Variants in ZNF449 observed in about 807,000 individuals in gnomAD.
The protein encoded by ZNF449 is zinc finger protein 449, also known as zinc finger and SCAN domain-containing protein 19.
Under a neutral mutation model 32.6 loss-of-function variants are expected in ZNF449, and 4 were observed. The observed-to-expected ratio is 0.12, with a 90% CI of 0.06 to 0.28. The LOEUF (loss-of-function observed/expected upper bound fraction) is 0.28. Among genes scored for constraint, ZNF449 ranks in the 10% least tolerant of loss-of-function variants. ZNF449 has a pLI of 1.00. For missense variants in ZNF449, 275 were observed against 383.2 expected (o/e 0.72, Z 2.36); for synonymous variants, 123 against 132.2 (o/e 0.93, Z 0.48).
rs782690025 is a variant in ZNF449, at chrX:135,360,795, C to T, written c.1276C>T (p.Leu426=). 1 of 1,211,392 alleles carries T rather than the reference C, an allele frequency of 8.3e-7. No homozygotes were observed. The highest frequency in any genetic ancestry group is 1.1e-6 in the Non-Finnish European group (1 of 895,361). The change falls in exon 5 of 5, where the codon CTG becomes TTG. Residue 426 remains leucine (L), a synonymous_variant. Coordinates refer to ENST00000339249, the MANE Select transcript of ZNF449 (RefSeq NM_152695.6). ...TCATGGATCAAGTCTTAAAAGACAT[C>T]TGAAAACTCATACAGGTGAAAAACC... The part of the protein sequence containing the change: ...FCHGSSLKRH[L]KTHTGEKPHR...
In ZNF449 at chrX:135,362,430, C is replaced by G. The variant is rs1046351069; in HGVS notation, c.*1354C>G. 1 of 112,172 alleles carries G rather than the reference C, an allele frequency of 8.9e-6. No homozygotes were observed. The highest frequency in any genetic ancestry group is 2.8e-4 in the East Asian group (1 of 3,608). 9.2% of individuals were successfully genotyped at this position (112,172 alleles called of 1,213,427 possible). On this transcript the variant is annotated 3_prime_UTR_variant, in exon 5 of 5. Transcript: ENST00000339249. ...TGAATTTTACTTATAATTACATACA[C>G]ACACACACTGCTACTTATATAAATG...
intron 3 of ZNF449, among the ~76,000 whole-genome samples, chrX:135,350,443 G>C (rs781790750): frequency 2.3e-4 from 26 of 112,014 alleles, no homozygotes; most frequent in African/African-American, 8.1e-4. Context: ...TGAGACCACA[G>C]AAGACACATA....
chrX:135,347,647 C>G (rs1556448868), intron 2 of ZNF449, 175 bp downstream of exon 2: 2 of 1,126,085 alleles, frequency 1.8e-6, no homozygotes, highest in East Asian at 3.3e-5. Flanking sequence ...TTAACTCTAT[C>G]AGACTCAATT....
In ZNF449 at chrX:135,347,447, G is replaced by A; in HGVS notation, c.329G>A (p.Arg110Lys). 2 of 1,212,006 alleles carry A rather than the reference G, an allele frequency of 1.7e-6. No individual in the cohort carries two copies. Among genetic ancestry groups the A allele is most frequent in the Non-Finnish European group, 2.2e-6 (2 of 895,590 alleles). The part of the protein sequence containing the change: ...RVVSLIEDLQ[R>K]ELEIPEQQVD... ...GTGTCACTGATAGAAGACTTACAGA[G>A]AGAACTTGAGATACCAGAGCAGCAG... Residue 110 changes from arginine to lysine, a missense_variant, in exon 2 of 5, where the codon AGA (arginine) becomes AAA (lysine). Coordinates refer to ENST00000339249, the MANE Select transcript of ZNF449 (RefSeq NM_152695.6).
intron 1 of ZNF449, among the ~76,000 whole-genome samples, chrX:135,345,738 G>A (rs1556447967): frequency 9.0e-6 from 1 of 111,611 alleles, no homozygotes; most frequent in Non-Finnish European, 1.9e-5. Context: ...CAAGGACAGA[G>A]TGCTGATTTA....
At chrX:135,356,008 A>G (rs782245565) in intron 3 of ZNF449, among the ~76,000 whole-genome samples, 5 of 112,274 alleles carry the variant, frequency 4.5e-5, no homozygotes, top group Non-Finnish European at 9.4e-5. Context: ...CTTTATTCCT[A>G]TTTATGGTTG....
rs2084945369 is a variant in ZNF449, at chrX:135,361,177, A to G, written c.*101A>G. ...GTCTTGGAAGCTTTTGTTTGAGCTT[A>G]TAAGAACATAGACAGCTTTTTTTTT... On this transcript the variant is annotated 3_prime_UTR_variant, in exon 5 of 5. Coordinates refer to ENST00000339249, the MANE Select transcript of ZNF449 (RefSeq NM_152695.6). 3.9e-6 allele frequency: 3 copies of G among 771,129 alleles called. No homozygotes were observed. The Admixed American group carries it at 1.1e-4, about 28-fold the overall frequency. The allele number at this position is 771,129 out of a possible 1,213,427, so 63.5% of individuals were successfully genotyped here.
intron 3 of ZNF449, among the ~76,000 whole-genome samples, chrX:135,351,408 G>A (rs782773237): frequency 9.0e-6 from 1 of 111,075 alleles, no homozygotes; most frequent in African/African-American, 3.3e-5. Flanking sequence ...CCATTGAACT[G>A]GGTAGATGGT....
rs1177941800 is a variant in ZNF449 at position 135,361,821 on chromosome X, A to G, written c.*745A>G. 1.8e-5 allele frequency: 2 copies of G among 111,264 alleles called. No homozygotes were observed. The highest frequency in any genetic ancestry group is 6.5e-5 in the African/African-American group (2 of 30,670). 9.2% of individuals were successfully genotyped at this position (111,264 alleles called of 1,213,427 possible). ...TCTTTAATTCAGCATCTCCCTATGT[A>G]TGTGTCATAGAATACTTAGTTCTGC... On this transcript the variant is annotated 3_prime_UTR_variant, in exon 5 of 5. Transcript: ENST00000339249.
rs782026565 is a variant in ZNF449 at position 135,359,985 on chromosome X, A to G, written c.653A>G (p.Gln218Arg). The part of the protein sequence containing the change: ...KELQDSKEMK[Q>R]LLDSKIGFEI... The stretch of plus-strand genomic sequence containing the variant: ...TTACAGGATTCTAAAGAAATGAAAC[A>G]ATTACTTGATTCCAAGATAGGTAAG... The change falls in exon 4 of 5, where the codon CAA becomes CGA. Residue 218 changes from glutamine to arginine, a missense_variant. This residue lies in a region of ZNF449 where 165 missense variants were observed against 175.0 expected (regional missense o/e 0.94). Transcript: ENST00000339249. The G allele has an allele frequency of 3.4e-6, 4 of 1,188,232 alleles. No individual in the cohort carries two copies. In the South Asian group the frequency reaches 7.3e-5, roughly 22 times the overall value.
intron 3 of ZNF449, 71 bp downstream of exon 3, chrX:135,349,385 T>G (rs2084871093): frequency 1.1e-5 from 12 of 1,043,741 alleles, no homozygotes; most frequent in Middle Eastern, 3.1e-4. Context: ...GGGTTGGGGT[T>G]GGGTTAGAAA....
chrX:135,348,724 T>C, intron 2 of ZNF449: 39 of 981,634 alleles, frequency 4.0e-5, no homozygotes, highest in Non-Finnish European at 5.2e-5. Context: ...TTTTGTTTAC[T>C]ATATAAGATT....
chrX:135,347,687 C>G (rs1281900442), intron 2 of ZNF449: 5 of 1,063,995 alleles, frequency 4.7e-6, no homozygotes, highest in Non-Finnish European at 6.2e-6. Flanking sequence ...TTTATAATGT[C>G]CACTTTACTA....
Position 135,357,448 on chromosome X carries a change from A to G in ZNF449, c.560-2444A>G, listed in dbSNP as rs1556452235. On this transcript the variant is annotated intron_variant, in intron 3 of 4. Transcript: ENST00000339249. ...ACCCTTTTCAAAATCAGTTGACCAC[A>G]GGACAGGTATATGGATTTATTGCTA... Among the ~76,000 whole-genome samples, 3 of 111,463 alleles carry G rather than the reference A, an allele frequency of 2.7e-5. No homozygotes were observed. In the Admixed American group the frequency reaches 2.9e-4, roughly 11 times the overall value.
intron 1 of ZNF449, among the ~76,000 whole-genome samples, chrX:135,345,171 C>T (rs2084834023): frequency 8.8e-6 from 1 of 113,074 alleles, no homozygotes; most frequent in Non-Finnish European, 1.9e-5. Flanking sequence ...GGACGTGTCA[C>T]TCTTGCCGTT....
intron 2 of ZNF449, 77 bp downstream of exon 2, chrX:135,347,549 G>T (rs1556448804): frequency 5.1e-6 from 6 of 1,183,023 alleles, no homozygotes; most frequent in Non-Finnish European, 6.8e-6. Flanking sequence ...CCACACATTT[G>T]TCTCTATGTC....
At position 135,348,887 on chromosome X, in the gene ZNF449, A is replaced by G. The variant is rs781792615; in HGVS notation, c.355-223A>G. ...GCAGAAGACTTGGTATGAAAAAAGT[A>G]GGTGAAATATCTCACTAATAATTGT... On this transcript the variant is annotated intron_variant, in intron 2 of 4. Coordinates refer to ENST00000339249, the MANE Select transcript of ZNF449 (RefSeq NM_152695.6). 89 of 971,441 alleles carry G rather than the reference A, an allele frequency of 9.2e-5. No individual in the cohort carries two copies. In the South Asian group the frequency reaches 2.1e-3, roughly 23 times the overall value. 80.1% of individuals were successfully genotyped at this position (971,441 alleles called of 1,213,427 possible).
chrX:135,350,958 A>G (rs2084883131), intron 3 of ZNF449, among the ~76,000 whole-genome samples: 1 of 111,141 alleles, frequency 9.0e-6, no homozygotes, highest in Admixed American at 9.6e-5. Flanking sequence ...GAAGGCAGAG[A>G]GAAGACCTCC....
rs1211882845 is a variant in ZNF449, at chrX:135,362,799, T to C, written c.*1723T>C. The C allele has an allele frequency of 6.3e-5, 7 of 111,990 alleles. No homozygotes were observed. Among genetic ancestry groups the C allele is most frequent in the Admixed American group, 4.8e-4 (5 of 10,525 alleles). The allele number at this position is 111,990 out of a possible 1,213,427, so 9.2% of individuals were successfully genotyped here. ...GATCAGGCTCATAAAGATTTTATAATATTTTTAGTTAAACAAGAGTTGGGA... is the reference window on the plus strand; with the variant it reads ...GATCAGGCTCATAAAGATTTTATAACATTTTTAGTTAAACAAGAGTTGGGA... On this transcript the variant is annotated 3_prime_UTR_variant, in exon 5 of 5. Coordinates refer to ENST00000339249, the MANE Select transcript of ZNF449 (RefSeq NM_152695.6).
Sources: gnomAD v4.1 joint callset for allele counts (sites outside exome capture counted in the v4.1 genomes callset) on GRCh38, gnomAD v4.1.1 for gene constraint, gnomAD v4.1.1 regional missense constraint, MANE v1.5 for transcripts, NCBI Gene and HGNC (gene_info 2026-07-23, HGNC 2026-07-21) for gene names.